The following TTC27 variants were observed in gnomAD, a reference collection of about 807,000 sequenced individuals.
TTC27 encodes the protein tetratricopeptide repeat protein 27.
TTC27 carries 79 observed loss-of-function variants against 115.9 expected under a neutral mutation model. The observed-to-expected ratio is 0.68, with a 90% CI of 0.57 to 0.82. The LOEUF is 0.82. Among genes scored for constraint, TTC27 ranks in the 40% least tolerant of loss-of-function variants. The pLI, the probability that TTC27 is intolerant of heterozygous loss-of-function variation, is 0.00. For missense variants in TTC27, 1,054 were observed against 993.1 expected, an observed-to-expected ratio of 1.06 and a Z score of -0.82; for synonymous variants, 401 against 356.0, an observed-to-expected ratio of 1.13 and a Z score of -1.42.
At chr2:32,780,491 G>A (rs568635089) in intron 14 of TTC27, among the ~76,000 whole-genome samples, 1 of 152,180 alleles carries the variant, frequency 6.6e-6, no homozygotes, top group East Asian at 1.9e-4. Flanking sequence ...TCAGGCTGAG[G>A]TGCAGTGGTG....
At chr2:32,722,094 A>G (rs1667951375) in intron 10 of TTC27, among the ~76,000 whole-genome samples, 1 of 152,212 alleles carries the variant, frequency 6.6e-6, no homozygotes, top group Non-Finnish European at 1.5e-5. Flanking sequence ...AAGAATAAGA[A>G]AACTGCCGTT....
chr2:32,754,755 T>C (rs1415575298), intron 12 of TTC27, among the ~76,000 whole-genome samples: 1 of 140,962 alleles, frequency 7.1e-6, no homozygotes, highest in Admixed American at 7.1e-5. Flanking sequence ...CCGGACGGGG[T>C]GGCTGGCCGG....
At chr2:32,671,345 C>G (rs1559198473) in intron 7 of TTC27, among the ~76,000 whole-genome samples, 1 of 151,764 alleles carries the variant, frequency 6.6e-6, no homozygotes, top group African/African-American at 2.4e-5. Flanking sequence ...CATTCACTTA[C>G]TTATTTTTTG....
At chr2:32,751,605 C>CATCGT (rs1352330327) in intron 12 of TTC27, among the ~76,000 whole-genome samples, 5 of 152,162 alleles carry the variant, frequency 3.3e-5, no homozygotes, top group Admixed American at 6.5e-5. Flanking sequence ...CCCAACCACT[C>CATCGT]ATCGTGATGA....
chr2:32,701,172 G>C (rs887981116), intron 9 of TTC27, among the ~76,000 whole-genome samples: 3 of 152,194 alleles, frequency 2.0e-5, no homozygotes, highest in Non-Finnish European at 4.4e-5. Flanking sequence ...AGTATACACT[G>C]CCATGTAGGG....
intron 12 of TTC27, among the ~76,000 whole-genome samples, chr2:32,758,030 C>A (rs190692516): frequency 1.5e-3 from 234 of 152,250 alleles, no homozygotes; most frequent in African/African-American, 5.4e-3. Context: ...TGCTGGAAAT[C>A]AAAAACTTTG....
rs1031895099 is a variant in TTC27, at chr2:32,637,125, C to G, written c.396+3120C>G. ...TAATAAATCTCCTTTGTACTCACAA[C>G]CTAGCTTGAGTGTCACAGGTAATGC... On this transcript the variant is annotated intron_variant, in intron 3 of 19. Coordinates refer to ENST00000317907, the MANE Select transcript of TTC27 (RefSeq NM_017735.5). Among the ~76,000 whole-genome samples, 6 of 152,188 alleles carry G rather than the reference C, an allele frequency of 3.9e-5. No homozygotes were observed. In the East Asian group the frequency reaches 1.2e-3, roughly 29 times the overall value.
chr2:32,749,370 C>T (rs558491647), intron 12 of TTC27, among the ~76,000 whole-genome samples: 6 of 152,292 alleles, frequency 3.9e-5, no homozygotes, highest in Non-Finnish European at 5.9e-5. Flanking sequence ...CAGTGGCTGC[C>T]AGGCCACTAG....
intron 12 of TTC27, among the ~76,000 whole-genome samples, chr2:32,757,506 C>T (rs1028155436): frequency 6.6e-6 from 1 of 152,112 alleles, no homozygotes; most frequent in African/African-American, 2.4e-5. Context: ...AGATACGGCG[C>T]CTTTTACAGA....
chr2:32,655,899 A>C (rs1008858734), intron 5 of TTC27, among the ~76,000 whole-genome samples: 3 of 152,166 alleles, frequency 2.0e-5, no homozygotes, highest in African/African-American at 7.2e-5. Flanking sequence ...ATTCAAATAA[A>C]GTAAAATAGA....
At chr2:32,801,813 C>T (rs1670950141) in intron 16 of TTC27, among the ~76,000 whole-genome samples, 1 of 152,114 alleles carries the variant, frequency 6.6e-6, no homozygotes, top group African/African-American at 2.4e-5. Context: ...TGAACACCAC[C>T]AGAGATTTGA....
At chr2:32,642,523 G>A (rs1226828251) in intron 4 of TTC27, among the ~76,000 whole-genome samples, 2 of 152,040 alleles carry the variant, frequency 1.3e-5, no homozygotes, top group African/African-American at 4.8e-5. Flanking sequence ...AAAGTGCTGG[G>A]ATCACAGGCA....
intron 18 of TTC27, among the ~76,000 whole-genome samples, chr2:32,814,833 C>A (rs886655254): frequency 2.6e-5 from 4 of 152,150 alleles, no homozygotes; most frequent in Non-Finnish European, 4.4e-5. Flanking sequence ...TGTAAGTACA[C>A]CCTATGATGT....
chr2:32,764,595 G>T (rs903484603), intron 13 of TTC27, among the ~76,000 whole-genome samples: 1 of 152,118 alleles, frequency 6.6e-6, no homozygotes, highest in Non-Finnish European at 1.5e-5. Flanking sequence ...CTTAAAATAA[G>T]GCAACAGTGA....
chr2:32,762,276 AGTGTGTGTGTGTGTGTGTGTGTGT>A (rs10523103), intron 13 of TTC27, among the ~76,000 whole-genome samples: 7 of 136,234 alleles, frequency 5.1e-5, no homozygotes, highest in South Asian at 2.4e-4. Flanking sequence ...CACAGAGAGA[AGTGTGTGTGTGTGTGTGTGTGTGT>A]GTGTGTGTGT....
At chr2:32,757,769 T>C (rs1194046526) in intron 12 of TTC27, among the ~76,000 whole-genome samples, 1 of 152,212 alleles carries the variant, frequency 6.6e-6, no homozygotes, top group African/African-American at 2.4e-5. Context: ...CTTGGCTCAC[T>C]GCAACCTCCA....
chr2:32,724,095 G>A (rs1268466065), intron 10 of TTC27, among the ~76,000 whole-genome samples: 1 of 151,104 alleles, frequency 6.6e-6, no homozygotes, highest in Non-Finnish European at 1.5e-5. Flanking sequence ...TAAACAGGGT[G>A]ACTTGTGCTT....
chr2:32,711,233 A>G (rs1667569215), intron 10 of TTC27, among the ~76,000 whole-genome samples: 1 of 151,812 alleles, frequency 6.6e-6, no homozygotes, highest in African/African-American at 2.4e-5. Flanking sequence ...TCATTTTGCC[A>G]TTCAAATGCT....
chr2:32,817,358 A>G (rs1671537557), intron 18 of TTC27, 99 bp from the exon 19 acceptor site: 4 of 905,268 alleles, frequency 4.4e-6, no homozygotes, highest in Non-Finnish European at 6.9e-6. Context: ...TTTCTAAAGT[A>G]TGTTACTATA....
Sources: gnomAD v4.1 joint callset for allele counts (sites outside exome capture counted in the v4.1 genomes callset) on GRCh38, gnomAD v4.1.1 for gene constraint, MANE v1.5 for transcripts, NCBI Gene and HGNC (gene_info 2026-07-23, HGNC 2026-07-21) for gene names.